TBL1X: variants seen among roughly 807,000 people sequenced by gnomAD.
TBL1X encodes F-box-like/WD repeat-containing protein TBL1X.
TBL1X carries 10 observed loss-of-function variants against 50.7 expected under a neutral mutation model. That is an observed-to-expected ratio of 0.20 (90% CI 0.12 to 0.33). TBL1X has a LOEUF of 0.33. TBL1X is among the 10% of genes least tolerant of loss of function. The pLI is 1.00. For synonymous variants in TBL1X, 190 were observed against 214.7 expected, an observed-to-expected ratio of 0.88 and a Z score of 1.01; for missense variants, 340 against 504.4, an observed-to-expected ratio of 0.67 and a Z score of 3.12.
chrX:9,494,772 G>T (rs1382699793), intron 1 of TBL1X, among the ~76,000 whole-genome samples: 2 of 111,409 alleles, frequency 1.8e-5, no homozygotes, highest in Non-Finnish European at 1.9e-5. Flanking sequence ...AATCTATTTG[G>T]TTCATTGTTA....
chrX:9,714,327 G>T (rs1253119876), intron 16 of TBL1X, among the ~76,000 whole-genome samples: 2 of 112,169 alleles, frequency 1.8e-5, no homozygotes, highest in Non-Finnish European at 3.8e-5. Flanking sequence ...TGCTACTGGG[G>T]TGGGTGTATT....
At chrX:9,698,754 G>A (rs1054302634) in intron 12 of TBL1X, among the ~76,000 whole-genome samples, 2 of 111,853 alleles carry the variant, frequency 1.8e-5, no homozygotes, top group African/African-American at 6.5e-5. Context: ...AATCTCAGTC[G>A]CTAGCCAAGG....
chrX:9,550,214 G>A (rs2082264300), intron 2 of TBL1X, among the ~76,000 whole-genome samples: 1 of 111,484 alleles, frequency 9.0e-6, no homozygotes, highest in Non-Finnish European at 1.9e-5. Flanking sequence ...GGGTGTAGGG[G>A]GTGGGGAGAA....
At chrX:9,479,930 A>G in intron 1 of TBL1X, among the ~76,000 whole-genome samples, 1 of 42,624 alleles carries the variant, frequency 2.3e-5, no homozygotes, top group East Asian at 4.1e-4. Flanking sequence ...GCGTAGAAGG[A>G]AAGTAGAATG....
intron 2 of TBL1X, among the ~76,000 whole-genome samples, chrX:9,552,630 G>C (rs58987820): frequency 0.03 from 3,314 of 111,924 alleles, 122 homozygotes; most frequent in African/African-American, 0.1. Context: ...GGTCAAAGTC[G>C]TTGCAAGAAT....
chrX:9,688,371 A>G (rs910980579), intron 7 of TBL1X, 96 bp downstream of exon 7: 3 of 789,012 alleles, frequency 3.8e-6, no homozygotes, highest in Non-Finnish European at 5.3e-6. Flanking sequence ...CCTGCCTGCT[A>G]TAAATGTCTT....
intron 3 of TBL1X, among the ~76,000 whole-genome samples, chrX:9,651,011 CTTTTTTTTTTTTTTTTTT>C (rs572743375): frequency 9.7e-5 from 3 of 30,913 alleles, no homozygotes; most frequent in Non-Finnish European, 1.6e-4. Context: ...AGCTGCCAGC[CTTTTTTTTTTTTTTTTTT>C]TTTTTTTTTT....
intron 2 of TBL1X, among the ~76,000 whole-genome samples, chrX:9,556,361 A>G (rs1017231240): frequency 4.5e-5 from 5 of 110,635 alleles, no homozygotes; most frequent in Non-Finnish European, 7.6e-5. Context: ...CACATTTACT[A>G]TCTTAACAGT....
intron 2 of TBL1X, among the ~76,000 whole-genome samples, chrX:9,575,736 G>A (rs1374131479): frequency 8.9e-6 from 1 of 112,160 alleles, no homozygotes; most frequent in African/African-American, 3.3e-5. Context: ...ATGTTGTTTG[G>A]TGGAGTTAAA....
chrX:9,565,504 G>C (rs1439187550), intron 2 of TBL1X, among the ~76,000 whole-genome samples: 1 of 111,084 alleles, frequency 9.0e-6, no homozygotes, highest in East Asian at 2.8e-4. Flanking sequence ...TTGATGTATT[G>C]ATTAGAGTAT....
chrX:9,504,788 G>A (rs191530928), intron 2 of TBL1X, among the ~76,000 whole-genome samples: 4,832 of 111,537 alleles, frequency 0.043, 262 homozygotes, highest in African/African-American at 0.15. Context: ...AATGAACAAA[G>A]CCTACCAGAA....
intron 5 of TBL1X, among the ~76,000 whole-genome samples, chrX:9,666,404 ATTAG>A (rs1367859149): frequency 3.6e-5 from 4 of 111,903 alleles, no homozygotes; most frequent in African/African-American, 1.3e-4. Flanking sequence ...TAATGTTCCT[ATTAG>A]TTGACTTTTA....
intron 2 of TBL1X, among the ~76,000 whole-genome samples, chrX:9,532,227 G>A (rs960252): frequency 0.011 from 1,196 of 111,774 alleles, 25 homozygotes; most frequent in African/African-American, 0.037. Context: ...CCCAGGAAGC[G>A]AAGGCTGCAT....
At chrX:9,585,920 A>G (rs2082467256) in intron 2 of TBL1X, among the ~76,000 whole-genome samples, 2 of 111,688 alleles carry the variant, frequency 1.8e-5, no homozygotes, top group Admixed American at 1.9e-4. Flanking sequence ...CTAATCCTCA[A>G]TTTCGTCATC....
chrX:9,682,617 C>T (rs977813213), intron 5 of TBL1X, among the ~76,000 whole-genome samples: 9 of 111,494 alleles, frequency 8.1e-5, no homozygotes, highest in African/African-American at 2.6e-4. Context: ...ATCTGGTGAG[C>T]GTTTTGTTTA....
intron 2 of TBL1X, among the ~76,000 whole-genome samples, chrX:9,611,407 G>A (rs1203870201): frequency 2.7e-5 from 3 of 112,134 alleles, no homozygotes; most frequent in Admixed American, 9.4e-5. Context: ...AGAACTTAAC[G>A]TGGCCATGAT....
At chrX:9,683,353 G>C (rs781458473) in intron 5 of TBL1X, among the ~76,000 whole-genome samples, 242 of 112,092 alleles carry the variant, frequency 2.2e-3, no homozygotes, top group Non-Finnish European at 3.3e-3. Flanking sequence ...CCTTTAAATT[G>C]CCAAGCATCA....
intron 5 of TBL1X, among the ~76,000 whole-genome samples, chrX:9,683,178 C>T (rs1477952875): frequency 8.9e-6 from 1 of 112,043 alleles, no homozygotes; most frequent in South Asian, 3.7e-4. Context: ...GTCGCAGCTT[C>T]CTCATCACCC....
intron 3 of TBL1X, among the ~76,000 whole-genome samples, chrX:9,644,317 G>A (rs2082790851): frequency 8.9e-6 from 1 of 112,321 alleles, no homozygotes; most frequent in South Asian, 3.7e-4. Context: ...CGTGGAAGCA[G>A]TAGCATCAGT....
Sources: gnomAD v4.1 joint callset for allele counts (sites outside exome capture counted in the v4.1 genomes callset) on GRCh38, gnomAD v4.1.1 for gene constraint, MANE v1.5 for transcripts, NCBI Gene and HGNC (gene_info 2026-07-23, HGNC 2026-07-21) for gene names.